The following NSD2 variants were observed in gnomAD, a reference collection of about 807,000 sequenced individuals.
NSD2 encodes the protein histone-lysine N-methyltransferase NSD2.
A neutral mutation model predicts 139.0 loss-of-function variants in NSD2; 12 were observed. The ratio of observed to expected loss-of-function variants is 0.09; its 90% CI spans 0.06 to 0.14. The LOEUF (loss-of-function observed/expected upper bound fraction) is 0.14, where lower values mean the gene tolerates loss of function less well. Ranked by LOEUF, NSD2 falls within the 10% of genes least tolerant of loss-of-function variation. NSD2 has a pLI of 1.00. For missense variants in NSD2, 1,155 were observed against 1,745.0 expected (o/e 0.66, Z 6.02); for synonymous variants, 669 against 648.7 (o/e 1.03, Z -0.48).
intron 7 of NSD2, 29 bp from the exon 8 acceptor site, chr4:1,938,401 CTTTTTTTTTTCTTTCTTTTTT>C: frequency 1.1e-6 from 1 of 872,426 alleles, no homozygotes. Flanking sequence ...TTTTTCTTTT[CTTTTTTTTTTCTTTCTTTTTT>C]TTTTTTTTTT....
Position 1,958,178 on chromosome 4 carries a change from C to T in NSD2, c.2985+142C>T. 1 of 790,474 alleles carries T rather than the reference C, an allele frequency of 1.3e-6. No homozygotes were observed. 49.0% of individuals were successfully genotyped at this position (790,474 alleles called of 1,614,324 possible). A position where few individuals can be genotyped will look rare whatever the true frequency, so the allele number is the denominator to read the frequency against. On this transcript the variant is annotated intron_variant, in intron 16 of 21. Transcript: ENST00000508803. This position sits in a 1 kb window ranked among gnomAD's most constrained non-coding sequence, Gnocchi z 4.6. ...GTGGTGCCTGGCATGGATGGCCACA[C>T]AAGAGACCATGAGCAAATGGCATGG...
intron 9 of NSD2, chr4:1,943,962 A>C (rs1723366662): frequency 4.7e-6 from 5 of 1,064,616 alleles, no homozygotes; most frequent in Non-Finnish European, 5.7e-6. Context: ...CCTCTATATT[A>C]TGGAGAAAGC....
chr4:1,872,004 C>G (rs1177890081), intron 1 of NSD2, among the ~76,000 whole-genome samples: 3 of 148,364 alleles, frequency 2.0e-5, no homozygotes, highest in African/African-American at 4.9e-5. Flanking sequence ...GCGGCGCCCC[C>G]GGTCCGGGGC....
At chr4:1,959,830 A>AT (rs1236533713) in intron 17 of NSD2, 90 bp downstream of exon 17, 123 of 1,520,246 alleles carry the variant, frequency 8.1e-5, no homozygotes, top group Non-Finnish European at 9.7e-5. Context: ...TTTTGTAGTC[A>AT]TGTGAGAATG....
At position 1,953,437 on chromosome 4, in the gene NSD2, G is replaced by C; in HGVS notation, c.2251G>C (p.Val751Leu). 6.2e-7 allele frequency: 1 copy of C among 1,614,166 alleles called. No individual in the cohort carries two copies. The highest frequency in any genetic ancestry group is 8.5e-7 in the Non-Finnish European group (1 of 1,180,022). ...EACVKKYPLT[V>L]FESRGFRCPL... Reference sequence around the variant, plus strand: ...TTGTGTGAAAAAATACCCTCTGACTGTATTTGAGAGCCGAGGTTTCCGCTG... The same window carrying C: ...TTGTGTGAAAAAATACCCTCTGACTCTATTTGAGAGCCGAGGTTTCCGCTG... Residue 751 changes from valine to leucine, a missense_variant, in exon 12 of 22, where the codon GTA becomes CTA. By Grantham distance (32) the Val-to-Leu change is conservative. Transcript: ENST00000508803.
intron 1 of NSD2, among the ~76,000 whole-genome samples, chr4:1,882,738 T>A (rs1383442067): frequency 6.6e-6 from 1 of 152,182 alleles, no homozygotes; most frequent in African/African-American, 2.4e-5. Flanking sequence ...TACTGTACCA[T>A]AACCTAGTCT....
rs769815661 is a variant in NSD2, at chr4:1,953,340, C to T, written c.2154C>T (p.Phe718=). Residue 718 remains phenylalanine (F), a synonymous_variant, in exon 12 of 22, where the codon TTC becomes TTT. Coordinates refer to ENST00000508803, the MANE Select transcript of NSD2 (RefSeq NM_001042424.3). The part of the protein sequence containing the change: ...SECASGIHSC[F]VCKESKTDVK... ...TTTTGTTAGGGATTCACTCATGTTT[C>T]GTGTGTAAAGAGAGCAAGACAGATG... 10 of 1,614,202 alleles carry T rather than the reference C, an allele frequency of 6.2e-6. No individual in the cohort carries two copies. Among genetic ancestry groups the T allele is most frequent in the Middle Eastern group, 1.6e-4 (1 of 6,062 alleles).
chr4:1,880,502 C>T (rs921416332), intron 1 of NSD2, among the ~76,000 whole-genome samples: 18 of 151,882 alleles, frequency 1.2e-4, no homozygotes, highest in African/African-American at 3.9e-4. Flanking sequence ...AATGATGAGC[C>T]AAGACCTATG....
chr4:1,971,627 G>C (rs1055398048), intron 18 of NSD2, among the ~76,000 whole-genome samples: 15 of 152,142 alleles, frequency 9.9e-5, no homozygotes, highest in Non-Finnish European at 1.2e-4. Flanking sequence ...CGTGAGGTCC[G>C]AGCCAGGGCG....
intron 1 of NSD2, among the ~76,000 whole-genome samples, chr4:1,875,646 T>C (rs923925305): frequency 2.0e-5 from 3 of 152,086 alleles, no homozygotes; most frequent in Non-Finnish European, 4.4e-5. Flanking sequence ...CTCACGCCTG[T>C]AATCCCAGCA....
chr4:1,951,975 A>G (rs1199866833), intron 10 of NSD2, 133 bp from the exon 11 acceptor site: 19 of 1,396,152 alleles, frequency 1.4e-5, no homozygotes, highest in Non-Finnish European at 1.8e-5. Context: ...TTGCCCATGC[A>G]TGTTATTATA....
intron 9 of NSD2, chr4:1,945,724 T>G: frequency 3.8e-6 from 4 of 1,063,646 alleles, no homozygotes; most frequent in Non-Finnish European, 4.6e-6. Flanking sequence ...AAGGGTTGCC[T>G]TGGCAGCAGA....
At chr4:1,905,002 C>T (rs150876271) in intron 3 of NSD2, among the ~76,000 whole-genome samples, 13 of 152,030 alleles carry the variant, frequency 8.6e-5, no homozygotes, top group African/African-American at 2.9e-4. Context: ...TGGTGGTGCA[C>T]GCCTGTAATC....
chr4:1,956,467 AT>A lies in NSD2; in HGVS notation c.2881+280del, dbSNP rs1724812661. 6.6e-6 allele frequency among the ~76,000 whole-genome samples: 1 copy of A among 152,206 alleles called. No homozygotes were observed. Among genetic ancestry groups the A allele is most frequent in the Non-Finnish European group, 1.5e-5 (1 of 68,040 alleles). ...TAATACTAATTTACAGAAATGTTCC[AT>A]GGCTTGCCTTTATGTAAAATGCAGA... On this transcript the variant is annotated intron_variant, in intron 15 of 21. Transcript: ENST00000508803. This position sits in a 1 kb window ranked among gnomAD's most constrained non-coding sequence, Gnocchi z 5.3.
intron 1 of NSD2, among the ~76,000 whole-genome samples, chr4:1,891,200 G>A (rs140880376): frequency 1.1e-3 from 166 of 152,270 alleles, no homozygotes; most frequent in African/African-American, 3.9e-3. Flanking sequence ...CGCCTACGTG[G>A]AATTGTTTTA....
Position 1,872,589 on chromosome 4 carries a change from TGTGA to T in NSD2, c.-30+1049_-30+1052del, listed in dbSNP as rs1298883313. 2.0e-3 allele frequency among the ~76,000 whole-genome samples: 90 copies of T among 44,420 alleles called. 1 individual carries two copies. Among genetic ancestry groups the T allele is most frequent in the African/African-American group, 4.8e-3 (71 of 14,850 alleles). 29.1% of individuals were successfully genotyped at this position (44,420 alleles called of 152,430 possible). A position where few individuals can be genotyped will look rare whatever the true frequency, so the allele number is the denominator to read the frequency against. On this transcript the variant is annotated intron_variant, in intron 1 of 21. Transcript: ENST00000508803. ...TTGTGTGTGTGTGTGTGTGTGTGTG[TGTGA>T]GAGAGAGAGAGAGAGAGAGAGAGAG...
chr4:1,912,396 T>G (rs1577418706), intron 3 of NSD2, among the ~76,000 whole-genome samples: 1 of 152,224 alleles, frequency 6.6e-6, no homozygotes, highest in African/African-American at 2.4e-5. Flanking sequence ...TAATTTTGAC[T>G]ATGTAAATAT....
intron 9 of NSD2, 95 bp from the exon 10 acceptor site, chr4:1,950,970 CTGGTGGG>C: frequency 6.8e-7 from 1 of 1,467,344 alleles, no homozygotes; most frequent in Non-Finnish European, 9.2e-7. Context: ...CTGAGAAAGA[CTGGTGGG>C]TGGTGGGGTG....
chr4:1,975,790 T>C, intron 20 of NSD2: 3 of 217,918 alleles, frequency 1.4e-5, no homozygotes, highest in Non-Finnish European at 2.8e-5. Context: ...CCTGCGAACA[T>C]GACTGTTGAC....
Sources: gnomAD v4.1 joint callset for allele counts (sites outside exome capture counted in the v4.1 genomes callset) on GRCh38, gnomAD v4.1.1 for gene constraint, Gnocchi (gnomAD v3.1) non-coding constraint, MANE v1.5 for transcripts, NCBI Gene and HGNC (gene_info 2026-07-23, HGNC 2026-07-21) for gene names.